BTAF1: variants seen among roughly 807,000 people sequenced by gnomAD.
BTAF1 encodes TATA-binding protein-associated factor 172.
BTAF1 carries 38 observed loss-of-function variants against 227.1 expected under a neutral mutation model. The observed-to-expected ratio is 0.17, with a 90% confidence interval of 0.13 to 0.22. The LOEUF is 0.22. BTAF1 is among the 10% of genes least tolerant of loss of function. The pLI is 1.00. For synonymous variants in BTAF1, 742 were observed against 751.9 expected, an observed-to-expected ratio of 0.99 and a Z score of 0.21; for missense variants, 1,598 against 2,204.0, an observed-to-expected ratio of 0.73 and a Z score of 5.51.
At chr10:91,966,322 A>G (rs927730077) in intron 13 of BTAF1, among the ~76,000 whole-genome samples, 2 of 152,162 alleles carry the variant, frequency 1.3e-5, no homozygotes, top group African/African-American at 4.8e-5. Flanking sequence ...CCATTTTCCT[A>G]AGAACAATTA....
intron 33 of BTAF1, 39 bp from the exon 34 acceptor site, chr10:92,018,744 C>G (rs779654513): frequency 1.4e-6 from 2 of 1,385,566 alleles, no homozygotes; most frequent in Non-Finnish European, 1.9e-6. Context: ...TTGTGATATG[C>G]GAAATTGACT....
At chr10:91,961,920 T>C (rs1846549940) in intron 11 of BTAF1, among the ~76,000 whole-genome samples, 1 of 152,190 alleles carries the variant, frequency 6.6e-6, no homozygotes, top group Non-Finnish European at 1.5e-5. Flanking sequence ...GCTAGGATTC[T>C]GGCAGAGGGG....
chr10:91,971,213 T>C (rs1395672590), intron 14 of BTAF1, among the ~76,000 whole-genome samples: 5 of 152,194 alleles, frequency 3.3e-5, no homozygotes, highest in Admixed American at 6.5e-5. Flanking sequence ...AAATTTCACT[T>C]GTGTTTAGCC....
intron 4 of BTAF1, 26 bp downstream of exon 4, chr10:91,942,594 T>C (rs1589764035): frequency 1.2e-6 from 2 of 1,610,316 alleles, no homozygotes; most frequent in Non-Finnish European, 1.7e-6. Context: ...GAGAAGAAAG[T>C]CTAAAATTTG....
intron 1 of BTAF1, among the ~76,000 whole-genome samples, chr10:91,929,284 G>T (rs1399844211): frequency 6.6e-6 from 1 of 152,216 alleles, no homozygotes; most frequent in Non-Finnish European, 1.5e-5. Flanking sequence ...ATCAGCTAGA[G>T]AAAGTTTCAG....
chr10:91,972,154 G>A (rs972551239), intron 14 of BTAF1, among the ~76,000 whole-genome samples: 1 of 152,130 alleles, frequency 6.6e-6, no homozygotes, highest in Non-Finnish European at 1.5e-5. Flanking sequence ...TCACAAACTG[G>A]TTAGTAATTT....
intron 1 of BTAF1, among the ~76,000 whole-genome samples, chr10:91,934,381 T>A (rs1051611821): frequency 5.9e-5 from 9 of 151,914 alleles, no homozygotes; most frequent in Non-Finnish European, 1.3e-4. Context: ...GGACTACAGG[T>A]GGATGCCACT....
chr10:92,005,404 G>A (rs1431874114), intron 25 of BTAF1, among the ~76,000 whole-genome samples: 1 of 152,116 alleles, frequency 6.6e-6, no homozygotes, highest in Non-Finnish European at 1.5e-5. Flanking sequence ...ATAGTTTTGG[G>A]TAGTATGGAC....
chr10:91,998,080 C>T (rs947983609), intron 25 of BTAF1, among the ~76,000 whole-genome samples: 11 of 147,210 alleles, frequency 7.5e-5, no homozygotes, highest in African/African-American at 7.6e-5. Flanking sequence ...GAGCTGAGAT[C>T]GTGCCACTGC....
At chr10:91,995,663 G>A (rs894482906) in intron 23 of BTAF1, among the ~76,000 whole-genome samples, 12 of 150,860 alleles carry the variant, frequency 8.0e-5, no homozygotes, top group Admixed American at 4.6e-4. Context: ...GCGACAGAGC[G>A]AGACTCAGTC....
At chr10:91,926,128 C>T (rs1843809125) in intron 1 of BTAF1, among the ~76,000 whole-genome samples, 1 of 152,148 alleles carries the variant, frequency 6.6e-6, no homozygotes, top group Non-Finnish European at 1.5e-5. Context: ...TCAAGCTGGC[C>T]TTCTCCATGC....
Position 91,996,035 on chromosome 10 carries a change from A to G in BTAF1, c.3310-334A>G, listed in dbSNP as rs1371608363. Among the ~76,000 whole-genome samples the G allele has an allele frequency of 9.9e-5, 15 of 152,212 alleles. 1 individual carries two copies. Among genetic ancestry groups the G allele is most frequent in the Admixed American group, 9.8e-4 (15 of 15,280 alleles). ...CTGGTGATGTGTGGTGCTGTTTTCC[A>G]GCTTCAGTAGGAGAATCTTGCCAAG... is the stretch of plus-strand genomic sequence containing the variant. On this transcript the variant is annotated intron_variant, in intron 23 of 37. Coordinates refer to ENST00000265990, the MANE Select transcript of BTAF1 (RefSeq NM_003972.3).
intron 14 of BTAF1, among the ~76,000 whole-genome samples, chr10:91,975,235 C>T (rs773702277): frequency 1.3e-5 from 2 of 152,142 alleles, no homozygotes; most frequent in African/African-American, 2.4e-5. Flanking sequence ...GTTTGAAAGG[C>T]AAGCTTAGTT....
chr10:91,945,384 A>C (rs978031157), intron 4 of BTAF1, among the ~76,000 whole-genome samples: 1 of 152,188 alleles, frequency 6.6e-6, no homozygotes, highest in Admixed American at 6.6e-5. Flanking sequence ...ATTGTTGTGC[A>C]GCCAGTCTCC....
At chr10:92,005,458 C>G (rs1849814798) in intron 25 of BTAF1, among the ~76,000 whole-genome samples, 2 of 152,096 alleles carry the variant, frequency 1.3e-5, no homozygotes, top group African/African-American at 4.8e-5. Context: ...CATTTATTTT[C>G]CATATTTATG....
At chr10:91,952,409 A>G (rs1845832467) in intron 5 of BTAF1, among the ~76,000 whole-genome samples, 1 of 152,154 alleles carries the variant, frequency 6.6e-6, no homozygotes, top group Non-Finnish European at 1.5e-5. Flanking sequence ...AAGCTCTAGT[A>G]AAAGCTGTGG....
chr10:91,932,932 C>G (rs1844369144), intron 1 of BTAF1, among the ~76,000 whole-genome samples: 1 of 152,212 alleles, frequency 6.6e-6, no homozygotes, highest in Admixed American at 6.5e-5. Context: ...TACCCATATT[C>G]TCAGCTGTGC....
chr10:91,972,565 T>A (rs1847379802), intron 14 of BTAF1, among the ~76,000 whole-genome samples: 1 of 152,280 alleles, frequency 6.6e-6, no homozygotes, highest in Admixed American at 6.5e-5. Flanking sequence ...TTGTTAATCT[T>A]GTGATCCCAT....
At chr10:91,993,276 T>G (rs1848923005) in intron 21 of BTAF1, among the ~76,000 whole-genome samples, 1 of 152,202 alleles carries the variant, frequency 6.6e-6, no homozygotes, top group Non-Finnish European at 1.5e-5. Context: ...ATTATTAATC[T>G]TGGGGTTAGC....
Sources: gnomAD v4.1 joint callset for allele counts (sites outside exome capture counted in the v4.1 genomes callset) on GRCh38, gnomAD v4.1.1 for gene constraint, MANE v1.5 for transcripts, NCBI Gene and HGNC (gene_info 2026-07-23, HGNC 2026-07-21) for gene names.